Variants in TOMM40 observed in about 807,000 individuals in gnomAD.
The protein encoded by TOMM40 is mitochondrial import receptor subunit TOM40 homolog.
TOMM40 carries 9 observed loss-of-function variants against 38.4 expected under a neutral mutation model. That is an observed-to-expected ratio of 0.23 (90% confidence interval 0.14 to 0.41). TOMM40 has a LOEUF of 0.41. Among genes scored for constraint, TOMM40 ranks in the 10% least tolerant of loss-of-function variants. TOMM40 has a pLI of 1.00. For synonymous variants in TOMM40, 184 were observed against 210.0 expected (o/e 0.88, Z 1.07); for missense variants, 299 against 486.5 (o/e 0.61, Z 3.63).
intron 5 of TOMM40, among the ~76,000 whole-genome samples, chr19:44,897,790 AAG>A (rs538198716): frequency 8.2e-5 from 12 of 146,310 alleles, no homozygotes; most frequent in South Asian, 2.1e-4. Flanking sequence ...AAAAAAAAAA[AAG>A]AGAGAGAGAG....
rs373735717 is a variant in TOMM40, at chr19:44,903,092, C to G, written c.1009C>G (p.Leu337Val). ...GGAGAAGAAGCTCCCACCCCTGCCC[C>G]TGACACTGGCCCTTGGGGCCTTCCT... is the stretch of plus-strand genomic sequence containing the variant. ...TLEKKLPPLP[L>V]TLALGAFLNH... Residue 337 changes from leucine to valine, a missense_variant, in exon 9 of 9, where the codon CTG (leucine) becomes GTG (valine). Transcript: ENST00000426677. 1 of 1,612,692 alleles carries G rather than the reference C, an allele frequency of 6.2e-7. No individual in the cohort carries two copies. The highest frequency in any genetic ancestry group is 1.3e-5 in the African/African-American group (1 of 74,890).
Position 44,903,242 on chromosome 19 carries a change from A to G in TOMM40, c.*73A>G. On this transcript the variant is annotated 3_prime_UTR_variant, in exon 9 of 9. Coordinates refer to ENST00000426677, the MANE Select transcript of TOMM40 (RefSeq NM_001128917.2). Reference sequence around the variant, plus strand: ...TCCACCTCCCCCTGCCACAGAGGGGAGACCTGAGCCCCCCTCCCTTCCCTC... The same window carrying G: ...TCCACCTCCCCCTGCCACAGAGGGGGGACCTGAGCCCCCCTCCCTTCCCTC... The G allele has an allele frequency of 2.9e-5, 43 of 1,462,394 alleles. No individual in the cohort carries two copies. Among genetic ancestry groups the G allele is most frequent in the Non-Finnish European group, 3.9e-5 (42 of 1,081,780 alleles). The allele number at this position is 1,462,394 out of a possible 1,614,324, so 90.6% of individuals were successfully genotyped here.
At position 44,891,299 on chromosome 19, in the gene TOMM40, G is replaced by C; in HGVS notation, c.-117G>C. 2 of 1,194,320 alleles carry C rather than the reference G, an allele frequency of 1.7e-6. No homozygotes were observed. The highest frequency in any genetic ancestry group is 1.0e-6 in the Non-Finnish European group (1 of 960,710). 74.0% of individuals were successfully genotyped at this position (1,194,320 alleles called of 1,614,324 possible). On this transcript the variant is annotated 5_prime_UTR_variant, in exon 1 of 9. Transcript: ENST00000426677. ...GGTGGGAGCGGAGCCCAGGCCGGGA[G>C]CAGGCGCCGCCGCCAGTGAGAACCG...
chr19:44,899,902 C>T (rs1969647452), intron 5 of TOMM40, among the ~76,000 whole-genome samples: 1 of 148,830 alleles, frequency 6.7e-6, no homozygotes, highest in Non-Finnish European at 1.5e-5. Flanking sequence ...CTCAGCCTCC[C>T]AAATAGCTGG....
At position 44,895,288 on chromosome 19, in the gene TOMM40, C is replaced by T. The variant is rs375437138; in HGVS notation, c.643+1222C>T. On this transcript the variant is annotated intron_variant, in intron 5 of 8. Transcript: ENST00000426677. ...GCCAGAGGAGGAGAAGGGGCTACCC[C>T]GGCTGGGGGACAGGAGCAAGAAGAT... 5.7e-4 allele frequency among the ~76,000 whole-genome samples: 87 copies of T among 152,054 alleles called. 2 individuals carry two copies. Among genetic ancestry groups the T allele is most frequent in the Non-Finnish European group, 7.6e-4 (52 of 68,026 alleles).
intron 8 of TOMM40, chr19:44,902,211 C>CT (rs1359767426): frequency 6.6e-6 from 1 of 152,178 alleles, no homozygotes; most frequent in Non-Finnish European, 1.5e-5. Context: ...ACTTGACTCT[C>CT]TTATTTTTCT....
intron 5 of TOMM40, among the ~76,000 whole-genome samples, chr19:44,895,799 G>A (rs1466391823): frequency 1.3e-5 from 2 of 151,966 alleles, no homozygotes; most frequent in South Asian, 2.1e-4. Context: ...CACCCGCCCC[G>A]GCCTCCCAAA....
At chr19:44,897,517 G>A (rs1339687005) in intron 5 of TOMM40, among the ~76,000 whole-genome samples, 7 of 152,040 alleles carry the variant, frequency 4.6e-5, no homozygotes, top group African/African-American at 9.7e-5. Flanking sequence ...CAGTGGCACA[G>A]TGTCAGCTCA....
At chr19:44,893,105 C>T (rs1390712706) in intron 3 of TOMM40, among the ~76,000 whole-genome samples, 176 bp downstream of exon 3, 1 of 152,190 alleles carries the variant, frequency 6.6e-6, no homozygotes, top group Non-Finnish European at 1.5e-5. Context: ...CAGCAAACAT[C>T]CGCCAAACCC....
chr19:44,893,760 C>T lies in TOMM40; in HGVS notation c.436-20C>T. 1 of 1,608,624 alleles carries T rather than the reference C, an allele frequency of 6.2e-7. No homozygotes were observed. Among genetic ancestry groups the T allele is most frequent in the South Asian group, 1.1e-5 (1 of 90,780 alleles). On this transcript the variant is annotated intron_variant, in intron 3 of 8. Transcript: ENST00000426677. ...CACAGTGCACCACCTCTGACCCCTT[C>T]CGTTCTCTCTGCCTCACAGGCGTTC...
intron 5 of TOMM40, among the ~76,000 whole-genome samples, chr19:44,898,920 G>A (rs534690687): frequency 3.3e-5 from 5 of 151,498 alleles, no homozygotes; most frequent in South Asian, 2.1e-4. Context: ...CGAGGCAGGC[G>A]GATCACGAGG....
chr19:44,893,121 C>T, intron 3 of TOMM40, among the ~76,000 whole-genome samples, 192 bp downstream of exon 3: 1 of 152,216 alleles, frequency 6.6e-6, no homozygotes, highest in East Asian at 1.9e-4. Flanking sequence ...AACCCCTGCT[C>T]TCTGCCTGGC....
intron 8 of TOMM40, chr19:44,902,632 C>G (rs547560491): frequency 7.6e-5 from 12 of 158,922 alleles, no homozygotes; most frequent in African/African-American, 2.9e-4. Context: ...GTCCCAATGT[C>G]CAGTCTTAAG....
rs1195476613 is a variant in TOMM40, at chr19:44,893,837, A to C, written c.493A>C (p.Ile165Leu). 1 of 1,612,158 alleles carries C rather than the reference A, an allele frequency of 6.2e-7. No individual in the cohort carries two copies. Among genetic ancestry groups the C allele is most frequent in the Non-Finnish European group, 8.5e-7 (1 of 1,180,016 alleles). Reference sequence around the variant, plus strand: ...CAGTGGCAGTCTCAACGCTCAGGTCATTCACCAGCTGGGCCCCGGTCTCAG... The same window carrying C: ...CAGTGGCAGTCTCAACGCTCAGGTCCTTCACCAGCTGGGCCCCGGTCTCAG... ...DNSGSLNAQV[I>L]HQLGPGLRSK... The change falls in exon 4 of 9, where the codon ATT (isoleucine) becomes CTT (leucine). Residue 165 changes from isoleucine (I) to leucine (L), a missense_variant. Ile to Leu is a conservative substitution (Grantham distance 5). Transcript: ENST00000426677.
Position 44,891,327 on chromosome 19 carries a change from G to A in TOMM40, c.-89G>A. The A allele has an allele frequency of 1.6e-6, 2 of 1,213,352 alleles. No homozygotes were observed. Among genetic ancestry groups the A allele is most frequent in the Non-Finnish European group, 2.1e-6 (2 of 975,498 alleles). The allele number at this position is 1,213,352 out of a possible 1,614,324, so 75.2% of individuals were successfully genotyped here. ...GGCGCCGCCGCCAGTGAGAACCGGG[G>A]CCGGAGCCGGGTGCGGATTTGCTGG... is the stretch of plus-strand genomic sequence containing the variant. On this transcript the variant is annotated 5_prime_UTR_variant, in exon 1 of 9. Transcript: ENST00000426677.
At chr19:44,896,083 C>T (rs1360511230) in intron 5 of TOMM40, among the ~76,000 whole-genome samples, 3 of 152,222 alleles carry the variant, frequency 2.0e-5, no homozygotes, top group Non-Finnish European at 2.9e-5. Context: ...CTGCTCTTCA[C>T]GGCGCCAGCA....
Position 44,903,261 on chromosome 19 carries a change from T to G in TOMM40, c.*92T>G. 20 of 1,308,378 alleles carry G rather than the reference T, an allele frequency of 1.5e-5. No homozygotes were observed. Among genetic ancestry groups the G allele is most frequent in the Non-Finnish European group, 1.6e-5 (16 of 971,632 alleles). The allele number at this position is 1,308,378 out of a possible 1,614,324, so 81.0% of individuals were successfully genotyped here. ...GAGGGGAGACCTGAGCCCCCCTCCC[T>G]TCCCTCCCCCCTTGGGGGTCGGGGG... On this transcript the variant is annotated 3_prime_UTR_variant, in exon 9 of 9. Coordinates refer to ENST00000426677, the MANE Select transcript of TOMM40 (RefSeq NM_001128917.2).
chr19:44,897,324 A>G (rs2122761518), intron 5 of TOMM40, among the ~76,000 whole-genome samples: 1 of 152,258 alleles, frequency 6.6e-6, no homozygotes, highest in South Asian at 2.1e-4. Flanking sequence ...GAGGCCAGAG[A>G]TTCTAAGTCA....
In TOMM40 at chr19:44,893,936, C is replaced by T. The variant is rs113816933; in HGVS notation, c.538-25C>T. 2.3e-5 allele frequency: 37 copies of T among 1,594,822 alleles called. 1 individual carries two copies. The highest frequency in any genetic ancestry group is 4.1e-4 in the Middle Eastern group (2 of 4,836). On this transcript the variant is annotated intron_variant, in intron 4 of 8. Coordinates refer to ENST00000426677, the MANE Select transcript of TOMM40 (RefSeq NM_001128917.2). ...CTCGGCCACCGTGAGCAGGGAGCCG[C>T]CCTCACACCCCCTCCTCTCCACAGA...
Sources: gnomAD v4.1 joint callset for allele counts (sites outside exome capture counted in the v4.1 genomes callset) on GRCh38, gnomAD v4.1.1 for gene constraint, MANE v1.5 for transcripts, NCBI Gene and HGNC (gene_info 2026-07-23, HGNC 2026-07-21) for gene names.